SMOC2: variants seen among roughly 807,000 people sequenced by gnomAD.
The protein encoded by SMOC2 is SPARC-related modular calcium-binding protein 2.
Under a neutral mutation model 61.4 loss-of-function variants are expected in SMOC2, and 39 were observed. The ratio of observed to expected loss-of-function variants is 0.64; its 90% CI spans 0.49 to 0.83. The LOEUF (loss-of-function observed/expected upper bound fraction) is 0.83. SMOC2 is among the 40% of genes least tolerant of loss of function. The probability of loss-of-function intolerance (pLI) is 0.00; values close to 1 mark genes in which losing one functional copy is unlikely to be tolerated. For missense variants in SMOC2, 556 were observed against 592.9 expected, an observed-to-expected ratio of 0.94 and a Z score of 0.65; for synonymous variants, 247 against 239.9, an observed-to-expected ratio of 1.03 and a Z score of -0.27.
intron 9 of SMOC2, 27 bp from the exon 10 acceptor site, chr6:168,650,654 T>G: frequency 6.2e-7 from 1 of 1,601,038 alleles, no homozygotes; most frequent in Non-Finnish European, 8.5e-7. Flanking sequence ...TATGAGTTAA[T>G]TATGAAAACA....
At chr6:168,441,561 G>T (rs576375140) in intron 1 of SMOC2, 107 bp downstream of exon 1, 19 of 1,333,890 alleles carry the variant, frequency 1.4e-5, no homozygotes, top group Non-Finnish European at 1.5e-5. Flanking sequence ...TGGGCACGGG[G>T]AGCAGGTGGC....
At chr6:168,569,148 G>A (rs139967744) in intron 7 of SMOC2, among the ~76,000 whole-genome samples, 7 of 152,298 alleles carry the variant, frequency 4.6e-5, no homozygotes, top group African/African-American at 9.6e-5. Flanking sequence ...TGGTGGCCAC[G>A]CCATTCTGCA....
chr6:168,441,665 G>A (rs578065136), intron 1 of SMOC2, among the ~76,000 whole-genome samples: 1 of 152,266 alleles, frequency 6.6e-6, no homozygotes, highest in Admixed American at 6.5e-5. Flanking sequence ...GGCTTCTGGG[G>A]ACCCTGCCCG....
intron 9 of SMOC2, among the ~76,000 whole-genome samples, chr6:168,626,619 C>G (rs539883924): frequency 6.6e-6 from 1 of 152,330 alleles, no homozygotes; most frequent in Admixed American, 6.5e-5. Flanking sequence ...GCTCTACTCT[C>G]TGATTATCAC....
At chr6:168,538,328 GGGGTGA>G (rs1415181489) in intron 4 of SMOC2, among the ~76,000 whole-genome samples, 2 of 144,126 alleles carry the variant, frequency 1.4e-5, no homozygotes, top group African/African-American at 2.6e-5. Flanking sequence ...GTGGGGGAGT[GGGGTGA>G]CCGCTGCTGG....
chr6:168,523,039 A>G (rs192760002), intron 2 of SMOC2, among the ~76,000 whole-genome samples: 4 of 149,334 alleles, frequency 2.7e-5, no homozygotes. Context: ...TTTAAAATGG[A>G]TAAGATGGTA....
At chr6:168,555,447 A>G (rs2115115088) in intron 7 of SMOC2, among the ~76,000 whole-genome samples, 1 of 152,188 alleles carries the variant, frequency 6.6e-6, no homozygotes, top group East Asian at 2.0e-4. Context: ...GGGGCCAAGC[A>G]GGGAAGCCCT....
intron 9 of SMOC2, among the ~76,000 whole-genome samples, chr6:168,635,848 G>A (rs947773583): frequency 7.1e-6 from 1 of 140,276 alleles, no homozygotes; most frequent in Non-Finnish European, 1.5e-5. Flanking sequence ...TCCAGCCTGG[G>A]CAACAGAACA....
chr6:168,540,169 T>C (rs1003706392), intron 4 of SMOC2, among the ~76,000 whole-genome samples: 1 of 152,234 alleles, frequency 6.6e-6, no homozygotes, highest in African/African-American at 2.4e-5. Flanking sequence ...CCTGCCGTCG[T>C]TTCCTGTGGA....
intron 7 of SMOC2, among the ~76,000 whole-genome samples, chr6:168,570,556 G>GA (rs1024419338): frequency 1.3e-5 from 2 of 152,190 alleles, no homozygotes; most frequent in African/African-American, 4.8e-5. Flanking sequence ...CACCTCTTTT[G>GA]AAAAGTGTTG....
In SMOC2 at chr6:168,650,773, T is replaced by C; in HGVS notation, c.1000T>C (p.Ser334Pro). 6.2e-7 allele frequency: 1 copy of C among 1,611,324 alleles called. No individual in the cohort carries two copies. The highest frequency in any genetic ancestry group is 1.6e-4 in the Middle Eastern group (1 of 6,062). ...CCACGCCGCCTCCGACCCCTCCTCC[T>C]CGTCAGGCAGGTACGCTGTGTTCGC... ...MVHAASDPSS[S>P]SGRLSEPDPS... The change falls in exon 10 of 13, where the codon TCG becomes CCG. Residue 334 changes from serine (S) to proline (P), a missense_variant. Transcript: ENST00000356284.
Position 168,634,373 on chromosome 6 carries a change from C to T in SMOC2, c.908-16308C>T, listed in dbSNP as rs181306327. Among the ~76,000 whole-genome samples, 234 of 152,264 alleles carry T rather than the reference C, an allele frequency of 1.5e-3. 1 individual carries two copies. Among genetic ancestry groups the T allele is most frequent in the Non-Finnish European group, 2.2e-3 (152 of 68,024 alleles). Reference sequence around the variant, plus strand: ...GGACTTATTGCATGCGATAATTGTGCATCAAGGGTTGGCTGTAATTAAAAT... The same window carrying T: ...GGACTTATTGCATGCGATAATTGTGTATCAAGGGTTGGCTGTAATTAAAAT... On this transcript the variant is annotated intron_variant, in intron 9 of 12. Transcript: ENST00000356284.
rs1055085347 is a variant in SMOC2 at position 168,666,536 on chromosome 6, C to T, written c.*98C>T. ...AAAACAGAAACACATAGTATTTGCA[C>T]TTTGTACTTTAAATGTAAATTCACT... On this transcript the variant is annotated 3_prime_UTR_variant, in exon 13 of 13. Transcript: ENST00000356284. 1.4e-4 allele frequency: 179 copies of T among 1,276,240 alleles called. No homozygotes were observed. Among genetic ancestry groups the T allele is most frequent in the Non-Finnish European group, 1.9e-4 (170 of 883,440 alleles). 79.1% of individuals were successfully genotyped at this position (1,276,240 alleles called of 1,614,324 possible).
intron 1 of SMOC2, among the ~76,000 whole-genome samples, chr6:168,484,285 G>A (rs920513503): frequency 6.6e-6 from 1 of 151,840 alleles, no homozygotes; most frequent in African/African-American, 2.4e-5. Context: ...GATTTGAATG[G>A]ACATTTTTTT....
chr6:168,577,367 C>T (rs902139480), intron 7 of SMOC2, among the ~76,000 whole-genome samples: 1 of 152,156 alleles, frequency 6.6e-6, no homozygotes, highest in Non-Finnish European at 1.5e-5. Flanking sequence ...AACAAGTGCT[C>T]TCTCTCTTTT....
chr6:168,599,079 C>CT, intron 8 of SMOC2, 75 bp downstream of exon 8: 1 of 1,351,594 alleles, frequency 7.4e-7, no homozygotes, highest in South Asian at 1.4e-5. Flanking sequence ...GCAGAACCCC[C>CT]ACTTCCCCCA....
chr6:168,604,868 C>T (rs1785647850), intron 8 of SMOC2, among the ~76,000 whole-genome samples: 2 of 152,180 alleles, frequency 1.3e-5, no homozygotes, highest in African/African-American at 4.8e-5. Context: ...CTAGTTGGAC[C>T]CATCACTTAG....
intron 1 of SMOC2, among the ~76,000 whole-genome samples, chr6:168,445,059 T>C (rs1294149215): frequency 6.6e-6 from 1 of 152,216 alleles, no homozygotes; most frequent in African/African-American, 2.4e-5. Context: ...ACGACTTCGT[T>C]AAAGGTACCG....
At chr6:168,584,257 C>G (rs1372257979) in intron 7 of SMOC2, among the ~76,000 whole-genome samples, 1 of 152,216 alleles carries the variant, frequency 6.6e-6, no homozygotes, top group African/African-American at 2.4e-5. Flanking sequence ...CTCCTGCGGA[C>G]TAGACTCACA....
Sources: gnomAD v4.1 joint callset for allele counts (sites outside exome capture counted in the v4.1 genomes callset) on GRCh38, gnomAD v4.1.1 for gene constraint, MANE v1.5 for transcripts, NCBI Gene and HGNC (gene_info 2026-07-23, HGNC 2026-07-21) for gene names.